Variants in TRUB2 observed in about 807,000 individuals in gnomAD.
TRUB2 encodes TruB pseudouridine synthase family member 2, also known as pseudouridylate synthase TRUB2, mitochondrial.
A neutral mutation model predicts 31.9 loss-of-function variants in TRUB2; 31 were observed. The ratio of observed to expected loss-of-function variants is 0.97; its 90% CI spans 0.73 to 1.31. The LOEUF is 1.31. Among genes scored for constraint, TRUB2 ranks in the 50% most tolerant of loss-of-function variants. The probability of loss-of-function intolerance (pLI) is 0.00; values close to 1 mark genes in which losing one functional copy is unlikely to be tolerated. For synonymous variants in TRUB2, 201 were observed against 182.6 expected (o/e 1.10, Z -0.81); for missense variants, 451 against 439.6 (o/e 1.03, Z -0.23).
intron 3 of TRUB2, 51 bp from the exon 4 acceptor site, chr9:128,315,679 C>G (rs7860666): frequency 6.3e-7 from 1 of 1,581,874 alleles, no homozygotes; most frequent in African/African-American, 1.3e-5. Context: ...TCCCATTCCC[C>G]TAAGTATCCC....
At chr9:128,311,730 G>T in intron 5 of TRUB2, 129 bp from the exon 6 acceptor site, 1 of 926,488 alleles carries the variant, frequency 1.1e-6, no homozygotes, top group Non-Finnish European at 1.7e-6. Context: ...TCCCCATGGC[G>T]GGGTGGTTGG....
At chr9:128,313,650 G>C (rs573952154) in intron 5 of TRUB2, among the ~76,000 whole-genome samples, 158 bp downstream of exon 5, 316 of 152,296 alleles carry the variant, frequency 2.1e-3, no homozygotes, top group Non-Finnish European at 3.7e-3. Flanking sequence ...CAGGGGAGTA[G>C]AGGATGCTCC....
chr9:128,312,864 G>A lies in TRUB2; in HGVS notation c.460+944C>T, dbSNP rs189408103. On this transcript the variant is annotated intron_variant, in intron 5 of 7. Coordinates refer to ENST00000372890, the MANE Select transcript of TRUB2 (RefSeq NM_015679.3). ...CCTGACCTTGTGATCCACCCATCTCGACCTCCCAAAGTGCTGGGATTACAG... is the reference window on the plus strand; with the variant it reads ...CCTGACCTTGTGATCCACCCATCTCAACCTCCCAAAGTGCTGGGATTACAG... Among the ~76,000 whole-genome samples the A allele has an allele frequency of 1.3e-3, 191 of 151,794 alleles. 1 individual carries two copies. The highest frequency in any genetic ancestry group is 6.8e-3 in the Middle Eastern group (2 of 294).
At chr9:128,312,002 A>AT (rs1831979188) in intron 5 of TRUB2, among the ~76,000 whole-genome samples, 1 of 150,420 alleles carries the variant, frequency 6.6e-6, no homozygotes. Context: ...CGTCCGGCTA[A>AT]TTTTTTAAAT....
chr9:128,311,403 G>C (rs1831965505), intron 6 of TRUB2, 126 bp downstream of exon 6: 3 of 979,582 alleles, frequency 3.1e-6, no homozygotes, highest in Non-Finnish European at 3.2e-6. Context: ...GAAAGAAACA[G>C]GTAGCTCCCG....
At chr9:128,320,662 C>G (rs961814532) in intron 2 of TRUB2, among the ~76,000 whole-genome samples, 5 of 152,044 alleles carry the variant, frequency 3.3e-5, no homozygotes, top group African/African-American at 1.2e-4. Context: ...GTAGGGTTTC[C>G]CCATGTTGCC....
chr9:128,309,942 C>T, intron 7 of TRUB2, 67 bp from the exon 8 acceptor site: 1 of 1,531,846 alleles, frequency 6.5e-7, no homozygotes. Context: ...GTTGTGAACG[C>T]ACACCCCTTG....
chr9:128,321,793 T>C (rs1832185889), intron 1 of TRUB2, 63 bp from the exon 2 acceptor site: 2 of 1,513,498 alleles, frequency 1.3e-6, no homozygotes, highest in Non-Finnish European at 1.8e-6. Context: ...TAAAATATTT[T>C]TTAAGAGACA....
At chr9:128,320,083 T>C (rs772048898) in intron 2 of TRUB2, among the ~76,000 whole-genome samples, 1 of 151,354 alleles carries the variant, frequency 6.6e-6, no homozygotes. Context: ...GCCCGGCTAA[T>C]TTCTTTGTAT....
chr9:128,317,875 A>G (rs955124730), intron 2 of TRUB2, among the ~76,000 whole-genome samples: 3 of 152,212 alleles, frequency 2.0e-5, no homozygotes, highest in African/African-American at 4.8e-5. Context: ...GACTCAATAC[A>G]TTATACTTCT....
In TRUB2 at chr9:128,309,399, G is replaced by T; in HGVS notation, c.*151C>A. 1 of 787,268 alleles carries T rather than the reference G, an allele frequency of 1.3e-6. No individual in the cohort carries two copies. Among genetic ancestry groups the T allele is most frequent in the Non-Finnish European group, 2.0e-6 (1 of 504,182 alleles). 48.8% of individuals were successfully genotyped at this position (787,268 alleles called of 1,614,324 possible). A position where few individuals can be genotyped will look rare whatever the true frequency, so the allele number is the denominator to read the frequency against. On this transcript the variant is annotated 3_prime_UTR_variant, in exon 8 of 8. Transcript: ENST00000372890. ...TACAGAAGTTTTTCCTTCTCAGTTG[G>T]GTCAAGTCCATTGACCTTTCTGTTA...
rs757537499 is a variant in TRUB2 at position 128,309,500 on chromosome 9, T to C, written c.*50A>G. The C allele has an allele frequency of 5.8e-6, 9 of 1,558,818 alleles. No individual in the cohort carries two copies. The Admixed American group carries it at 8.8e-5, about 15-fold the overall frequency. On this transcript the variant is annotated 3_prime_UTR_variant, in exon 8 of 8. Transcript: ENST00000372890. ...CTGCACAGCTATCAGGTCCAGCTCA[T>C]AGCAGTTCTTCTATTTATCCATCCA...
rs1267804046 is a variant in TRUB2 at position 128,310,997 on chromosome 9, T to C, written c.560A>G (p.Gln187Arg). 1 of 1,614,212 alleles carries C rather than the reference T, an allele frequency of 6.2e-7. No homozygotes were observed. The highest frequency in any genetic ancestry group is 1.7e-5 in the Admixed American group (1 of 60,032). The change falls in exon 7 of 8, where the codon CAG (glutamine) becomes CGG (arginine). Residue 187 changes from glutamine (Q) to arginine (R), a missense_variant. Gln to Arg is a conservative substitution (Grantham distance 43). Transcript: ENST00000372890. The stretch of plus-strand genomic sequence containing the variant: ...TCTCACGGCCATCTCATAGGCCTCC[T>C]GGGTCTTCAGGTCGAGGTTGGAGTA... ...VMYSNLDLKT[Q>R]EAYEMAVRGL... is the part of the protein sequence containing the mutation.
rs546908356 is a variant in TRUB2, at chr9:128,310,158, A to G, written c.671-283T>C. ...ACCCAGGCTGGAGTGCAGTGGTGTG[A>G]TAACAGATCACTGCAGCCTTGACCT... On this transcript the variant is annotated intron_variant, in intron 7 of 7. Transcript: ENST00000372890. Among the ~76,000 whole-genome samples, 29 of 151,944 alleles carry G rather than the reference A, an allele frequency of 1.9e-4. No individual in the cohort carries two copies. The South Asian group carries it at 5.6e-3, about 29-fold the overall frequency.
rs1310995940 is a variant in TRUB2 at position 128,308,075 on chromosome 9, C to G, written c.*1475G>C. On this transcript the variant is annotated 3_prime_UTR_variant, in exon 8 of 8. Transcript: ENST00000372890. ...TGAAACCCTGTCTCTACTAAAAATA[C>G]AAAAATTAGCCAGGCATGGTGGTAC... 1.3e-5 allele frequency: 2 copies of G among 152,108 alleles called. No homozygotes were observed. Among genetic ancestry groups the G allele is most frequent in the African/African-American group, 2.4e-5 (1 of 41,372 alleles). The allele number at this position is 152,108 out of a possible 1,614,324, so 9.4% of individuals were successfully genotyped here. A position where few individuals can be genotyped will look rare whatever the true frequency, so the allele number is the denominator to read the frequency against.
At chr9:128,320,288 A>T (rs867098233) in intron 2 of TRUB2, among the ~76,000 whole-genome samples, 26 of 147,146 alleles carry the variant, frequency 1.8e-4, no homozygotes, top group Middle Eastern at 3.7e-3. Context: ...TCCCACCTCA[A>T]CCTCCCGAGT....
In TRUB2 at chr9:128,319,648, T is replaced by G. The variant is rs140464334; in HGVS notation, c.241+1951A>C. Among the ~76,000 whole-genome samples the G allele has an allele frequency of 3.9e-5, 6 of 151,900 alleles. No individual in the cohort carries two copies. In the East Asian group the frequency reaches 1.2e-3, roughly 29 times the overall value. ...CATGTCGTCCCATATACCTTTTTTT[T>G]TTTTTTTTGAGGCAGAGTCTCACTC... On this transcript the variant is annotated intron_variant, in intron 2 of 7. Transcript: ENST00000372890.
chr9:128,311,831 A>G (rs965587781), intron 5 of TRUB2, among the ~76,000 whole-genome samples: 2 of 118,892 alleles, frequency 1.7e-5, no homozygotes, highest in Non-Finnish European at 3.4e-5. Context: ...AGGGCACTCT[A>G]TTTTTTTTTT....
chr9:128,311,493 C>T (rs369237997), intron 6 of TRUB2, 36 bp downstream of exon 6: 11 of 1,608,860 alleles, frequency 6.8e-6, no homozygotes, highest in South Asian at 1.1e-5. Flanking sequence ...AGGGCACTTA[C>T]TGCTCTCCCA....
Sources: allele counts gnomAD v4.1 joint callset (sites outside exome capture counted in the v4.1 genomes callset), GRCh38; gene constraint gnomAD v4.1.1; transcripts MANE v1.5; gene names NCBI Gene and HGNC (gene_info 2026-07-23, HGNC 2026-07-21).